DNAJC6: variants seen among roughly 807,000 people sequenced by gnomAD.
DNAJC6 encodes auxilin.
DNAJC6 carries 34 observed loss-of-function variants against 110.0 expected under a neutral mutation model. The observed-to-expected ratio is 0.31, with a 90% confidence interval of 0.24 to 0.41. The LOEUF (loss-of-function observed/expected upper bound fraction) is 0.41. Ranked by LOEUF, DNAJC6 falls within the 10% of genes least tolerant of loss-of-function variation. The pLI is 1.00. For synonymous variants in DNAJC6, 406 were observed against 437.2 expected (o/e 0.93, Z 0.89); for missense variants, 1,031 against 1,207.8 (o/e 0.85, Z 2.17).
chr1:65,356,227 G>A (rs1645542123), intron 1 of DNAJC6, among the ~76,000 whole-genome samples: 3 of 151,920 alleles, frequency 2.0e-5, no homozygotes, highest in African/African-American at 7.3e-5. Context: ...GCCATTTGTG[G>A]GAGGCATTCC....
intron 8 of DNAJC6, 96 bp downstream of exon 8, chr1:65,387,025 C>T (rs1194021037): frequency 9.7e-7 from 1 of 1,035,096 alleles, no homozygotes; most frequent in Non-Finnish European, 1.5e-6. Flanking sequence ...GCTTGAGTCA[C>T]TTGTAGTTTT....
At chr1:65,293,965 C>A (rs1466247679) in intron 1 of DNAJC6, among the ~76,000 whole-genome samples, 1 of 152,156 alleles carries the variant, frequency 6.6e-6, no homozygotes, top group East Asian at 1.9e-4. Context: ...ATGTTCCAGG[C>A]ATTGTGCTAA....
chr1:65,329,084 C>T (rs1479004719), intron 1 of DNAJC6, among the ~76,000 whole-genome samples: 1 of 151,812 alleles, frequency 6.6e-6, no homozygotes, highest in Non-Finnish European at 1.5e-5. Flanking sequence ...GATGAGAGTC[C>T]TTTCCCAGTG....
rs761925509 is a variant in DNAJC6 at position 65,302,107 on chromosome 1, A to ATAT, written c.-131+37175_-131+37176insTAT. Among the ~76,000 whole-genome samples the ATAT allele has an allele frequency of 1.7e-4, 9 of 53,806 alleles. No individual in the cohort carries two copies. In the Admixed American group the frequency reaches 1.9e-3, roughly 11 times the overall value. The allele number at this position is 53,806 out of a possible 152,430, so 35.3% of individuals were successfully genotyped here. ...TATATATATTATATATATAATATAT[A>ATAT]ATATATATATATATATAAAAAATAT... On this transcript the variant is annotated intron_variant, in intron 1 of 19. Transcript: ENST00000263441.
chr1:65,386,660 C>T (rs1454435618), intron 7 of DNAJC6, 152 bp from the exon 8 acceptor site: 1 of 640,626 alleles, frequency 1.6e-6, no homozygotes, highest in African/African-American at 1.8e-5. Context: ...ACTGGCTGCA[C>T]TCCTGTTTTT....
chr1:65,388,037 C>T (rs915398883), intron 8 of DNAJC6, among the ~76,000 whole-genome samples: 2 of 152,062 alleles, frequency 1.3e-5, no homozygotes, highest in Non-Finnish European at 2.9e-5. Flanking sequence ...AGGATGAGTT[C>T]ATTGGGTTGG....
intron 1 of DNAJC6, among the ~76,000 whole-genome samples, chr1:65,360,240 C>G (rs1341869971): frequency 6.6e-6 from 1 of 152,188 alleles, no homozygotes; most frequent in Non-Finnish European, 1.5e-5. Flanking sequence ...TCAAATAATG[C>G]CCCTCTTCTT....
intron 1 of DNAJC6, among the ~76,000 whole-genome samples, chr1:65,274,172 C>A (rs4469745): frequency 0.36 from 54,203 of 151,942 alleles, 10,085 homozygotes; most frequent in Non-Finnish European, 0.44. Context: ...GTTGTTATAT[C>A]TTCATTATGA....
At chr1:65,368,754 C>CT (rs1224784387) in intron 4 of DNAJC6, among the ~76,000 whole-genome samples, 2 of 120,818 alleles carry the variant, frequency 1.7e-5, no homozygotes, top group East Asian at 5.3e-4. Context: ...CCCTCCCCTC[C>CT]CTTCTCTTCC....
chr1:65,380,911 G>T lies in DNAJC6; in HGVS notation c.666+1387G>T, dbSNP rs143691924. 1.6e-3 allele frequency among the ~76,000 whole-genome samples: 183 copies of T among 114,742 alleles called. 1 individual carries two copies. Among genetic ancestry groups the T allele is most frequent in the African/African-American group, 5.9e-3 (138 of 23,194 alleles). 75.3% of individuals were successfully genotyped at this position (114,742 alleles called of 152,430 possible). Reference sequence around the variant, plus strand: ...GGGAGTTTTTTTTTTTTTGTTTTTTGTTTTGTTTTGTTTTTTTTTTTTTTT... The same window carrying T: ...GGGAGTTTTTTTTTTTTTGTTTTTTTTTTTGTTTTGTTTTTTTTTTTTTTT... On this transcript the variant is annotated intron_variant, in intron 5 of 18. Coordinates refer to ENST00000371069, the MANE Select transcript of DNAJC6 (RefSeq NM_001256864.2).
At chr1:65,293,473 T>C (rs544705093) in intron 1 of DNAJC6, among the ~76,000 whole-genome samples, 17 of 152,152 alleles carry the variant, frequency 1.1e-4, no homozygotes, top group African/African-American at 2.9e-4. Context: ...GCCTTCAACA[T>C]AGGAATTTTG....
At chr1:65,284,345 A>G (rs1006961671) in intron 1 of DNAJC6, among the ~76,000 whole-genome samples, 1 of 151,992 alleles carries the variant, frequency 6.6e-6, no homozygotes, top group Non-Finnish European at 1.5e-5. Flanking sequence ...CCAACTCCTC[A>G]TGTGTGCTTA....
chr1:65,377,232 A>G (rs1645775456), intron 4 of DNAJC6, among the ~76,000 whole-genome samples: 1 of 152,254 alleles, frequency 6.6e-6, no homozygotes, highest in African/African-American at 2.4e-5. Flanking sequence ...TAAAAGATGA[A>G]TTGGAGTTTA....
rs1186962885 is a variant in DNAJC6, at chr1:65,302,836, G to GTCTCT, written c.-131+37907_-131+37911dup. Among the ~76,000 whole-genome samples the GTCTCT allele has an allele frequency of 9.2e-5, 14 of 152,266 alleles. No homozygotes were observed. In the East Asian group the frequency reaches 2.5e-3, roughly 27 times the overall value. ...AGGCGTGAGCCACCGCGCCCGGCCT[G>GTCTCT]TCTCTTCCTTTCTTATCCTCTCTTG... On this transcript the variant is annotated intron_variant, in intron 1 of 19. Coordinates refer to the DNAJC6 transcript ENST00000263441.
intron 1 of DNAJC6, among the ~76,000 whole-genome samples, chr1:65,356,553 T>C (rs1645545269): frequency 6.7e-6 from 1 of 150,252 alleles, no homozygotes; most frequent in Non-Finnish European, 1.5e-5. Context: ...AACAGAATGA[T>C]ACTCTGTCTC....
At chr1:65,383,553 T>C (rs115494331) in intron 5 of DNAJC6, among the ~76,000 whole-genome samples, 1,799 of 152,012 alleles carry the variant, frequency 0.012, 12 homozygotes, top group Non-Finnish European at 0.018. Flanking sequence ...GCAGAGGGAG[T>C]TGACAGCAAG....
Position 65,336,892 on chromosome 1 carries a change from T to C in DNAJC6, c.193+26954T>C, listed in dbSNP as rs117992586. On this transcript the variant is annotated intron_variant, in intron 1 of 18. Transcript: ENST00000371069. ...GATTCTTTTAAGTGGGAATCTTATT[T>C]TTGCCTTTTTATAGTTTGTTTGAAC... Among the ~76,000 whole-genome samples the C allele has an allele frequency of 1.8e-4, 27 of 152,298 alleles. No homozygotes were observed. The East Asian group carries it at 4.6e-3, about 26-fold the overall frequency.
intron 12 of DNAJC6, among the ~76,000 whole-genome samples, chr1:65,394,211 G>A (rs182482139): frequency 2.9e-4 from 44 of 152,262 alleles, no homozygotes; most frequent in African/African-American, 1.0e-3. Flanking sequence ...AGGGGCCTTA[G>A]ACATCAGTTA....
intron 1 of DNAJC6, among the ~76,000 whole-genome samples, chr1:65,267,312 A>C (rs76475324): frequency 6.6e-6 from 1 of 152,100 alleles, no homozygotes; most frequent in African/African-American, 2.4e-5. Flanking sequence ...ACAGGACTCT[A>C]TTTCTTTGGG....
Sources: allele counts gnomAD v4.1 joint callset (sites outside exome capture counted in the v4.1 genomes callset), GRCh38; gene constraint gnomAD v4.1.1; transcripts MANE v1.5; gene names NCBI Gene and HGNC (gene_info 2026-07-23, HGNC 2026-07-21).